Variants in NR6A1 observed in about 807,000 individuals in gnomAD.
NR6A1 encodes retinoic acid receptor-related testis-associated receptor.
Under a neutral mutation model 59.1 loss-of-function variants are expected in NR6A1, and 7 were observed. That is an observed-to-expected ratio of 0.12 (90% CI 0.07 to 0.22). NR6A1 has a LOEUF of 0.22. Among genes scored for constraint, NR6A1 ranks in the 10% least tolerant of loss-of-function variants. The pLI is 1.00. For synonymous variants in NR6A1, 243 were observed against 236.1 expected, an observed-to-expected ratio of 1.03 and a Z score of -0.27; for missense variants, 468 against 611.6, an observed-to-expected ratio of 0.77 and a Z score of 2.48.
At position 124,759,483 on chromosome 9, in the gene NR6A1, A is replaced by G. The variant is rs570602636; in HGVS notation, c.100+11537T>C. On this transcript the variant is annotated intron_variant, in intron 1 of 9. Coordinates refer to ENST00000487099, the MANE Select transcript of NR6A1 (RefSeq NM_033334.4). Reference sequence around the variant, plus strand: ...CAATTTCCTCAAGTAGCTGAAAAGCACATTCCTTTCCCTTATATTTTGTAG... The same window carrying G: ...CAATTTCCTCAAGTAGCTGAAAAGCGCATTCCTTTCCCTTATATTTTGTAG... Among the ~76,000 whole-genome samples, 105 of 152,354 alleles carry G rather than the reference A, an allele frequency of 6.9e-4. 2 individuals are homozygous for G. The South Asian group carries it at 0.021, about 31-fold the overall frequency.
chr9:124,759,285 A>C (rs533672072), intron 1 of NR6A1, among the ~76,000 whole-genome samples: 1 of 152,354 alleles, frequency 6.6e-6, no homozygotes, highest in South Asian at 2.1e-4. Flanking sequence ...TCCCGAATAC[A>C]GTCAAGCAAA....
chr9:124,685,471 G>A (rs1185949760), intron 2 of NR6A1, among the ~76,000 whole-genome samples: 1 of 152,156 alleles, frequency 6.6e-6, no homozygotes, highest in East Asian at 1.9e-4. Flanking sequence ...TAGAACTACT[G>A]GCAGACATCA....
chr9:124,585,619 G>A (rs1244698383), intron 2 of NR6A1, among the ~76,000 whole-genome samples: 1 of 148,796 alleles, frequency 6.7e-6, no homozygotes, highest in East Asian at 2.0e-4. Flanking sequence ...AAGTTATCCA[G>A]AAGATCAACG....
chr9:124,725,956 T>C (rs1839704350), intron 2 of NR6A1, among the ~76,000 whole-genome samples: 1 of 152,152 alleles, frequency 6.6e-6, no homozygotes, highest in Non-Finnish European at 1.5e-5. Flanking sequence ...TTAATGTAAA[T>C]GAGAATCTTG....
Position 124,536,234 on chromosome 9 carries a change from T to TG in NR6A1, c.825-103dup, listed in dbSNP as rs2131345841. The TG allele has an allele frequency of 5.3e-6, 7 of 1,316,520 alleles. No individual in the cohort carries two copies. In the South Asian group the frequency reaches 6.8e-5, roughly 13 times the overall value. The allele number at this position is 1,316,520 out of a possible 1,614,324, so 81.6% of individuals were successfully genotyped here. A position where few individuals can be genotyped will look rare whatever the true frequency, so the allele number is the denominator to read the frequency against. The stretch of plus-strand genomic sequence containing the variant: ...CAAGGGCACAAAGGGACCCTGGCAA[T>TG]GGGCTCCTTGCTCCATGCCCACGGG... On this transcript the variant is annotated intron_variant, in intron 6 of 9. Transcript: ENST00000487099.
At chr9:124,660,525 A>G (rs1837397889) in intron 2 of NR6A1, among the ~76,000 whole-genome samples, 1 of 152,178 alleles carries the variant, frequency 6.6e-6, no homozygotes, top group South Asian at 2.1e-4. Context: ...CCCACTGGAC[A>G]ATAGCGATTT....
Position 124,676,446 on chromosome 9 carries a change from A to C in NR6A1, c.142+56862T>G, listed in dbSNP as rs183641867. ...GACTTTCTTGCCTTTTATTTAAAAAAAAAAATGACCTACATATAGCCTCTT... is the reference window on the plus strand; with the variant it reads ...GACTTTCTTGCCTTTTATTTAAAAACAAAAATGACCTACATATAGCCTCTT... On this transcript the variant is annotated intron_variant, in intron 2 of 9. Transcript: ENST00000487099. Among the ~76,000 whole-genome samples, 1,012 of 152,312 alleles carry C rather than the reference A, an allele frequency of 6.6e-3. 10 individuals are homozygous for C. The highest frequency in any genetic ancestry group is 0.023 in the African/African-American group (955 of 41,568).
intron 2 of NR6A1, among the ~76,000 whole-genome samples, chr9:124,634,844 C>G (rs1423325853): frequency 6.6e-6 from 1 of 151,982 alleles, no homozygotes; most frequent in African/African-American, 2.4e-5. Flanking sequence ...GAGAGAGAGA[C>G]TTTATTTCTC....
intron 2 of NR6A1, among the ~76,000 whole-genome samples, chr9:124,625,037 T>C (rs1352741543): frequency 6.6e-6 from 1 of 151,898 alleles, no homozygotes. Context: ...AAGAGCAGTA[T>C]GATAGTAGTT....
At chr9:124,634,018 TTAATA>T (rs901373462) in intron 2 of NR6A1, among the ~76,000 whole-genome samples, 9 of 152,244 alleles carry the variant, frequency 5.9e-5, no homozygotes, top group African/African-American at 2.2e-4. Flanking sequence ...GCCTCTTGAC[TTAATA>T]TATGTTTTTG....
Position 124,536,017 on chromosome 9 carries a change from T to G in NR6A1, c.940A>C (p.Lys314Gln). ...GAGCTCAAGAGGCACGTGTAATCCT[T>G]GATTGAGAGCTCGCAGAAGAAAGGC... ...KLPFFCELSI[K>Q]DYTCLLSSTW... is the part of the protein sequence containing the mutation. Residue 314 changes from lysine (K) to glutamine (Q), a missense_variant, in exon 7 of 10, where the codon AAG becomes CAG. Lys to Gln is a moderately conservative substitution (Grantham distance 53, BLOSUM62 1). This residue lies in a region of NR6A1 where 176 missense variants were observed against 264.0 expected (regional missense o/e 0.67). Coordinates refer to ENST00000487099, the MANE Select transcript of NR6A1 (RefSeq NM_033334.4). 2 of 1,614,102 alleles carry G rather than the reference T, an allele frequency of 1.2e-6. No individual in the cohort carries two copies. The highest frequency in any genetic ancestry group is 4.5e-5 in the East Asian group (2 of 44,884).
intron 2 of NR6A1, among the ~76,000 whole-genome samples, chr9:124,700,183 A>G (rs953836827): frequency 1.3e-5 from 2 of 150,644 alleles, no homozygotes; most frequent in African/African-American, 4.9e-5. Flanking sequence ...ATCATATAAC[A>G]TGTACTCGCT....
At chr9:124,751,251 C>T (rs990530601) in intron 1 of NR6A1, among the ~76,000 whole-genome samples, 2 of 152,198 alleles carry the variant, frequency 1.3e-5, no homozygotes, top group African/African-American at 4.8e-5. Flanking sequence ...TACTGCACAT[C>T]AATATAATTG....
intron 2 of NR6A1, among the ~76,000 whole-genome samples, chr9:124,597,630 C>T (rs1187022702): frequency 1.3e-5 from 2 of 152,192 alleles, no homozygotes; most frequent in African/African-American, 2.4e-5. Context: ...GTCCAACTAA[C>T]AATCCTTGAT....
intron 2 of NR6A1, among the ~76,000 whole-genome samples, chr9:124,615,229 A>C (rs1835854838): frequency 6.6e-6 from 1 of 152,232 alleles, no homozygotes; most frequent in African/African-American, 2.4e-5. Flanking sequence ...TAGAAAGATA[A>C]ATTAAGCAAA....
intron 2 of NR6A1, among the ~76,000 whole-genome samples, chr9:124,703,207 A>ATTT (rs80014383): frequency 2.0e-4 from 21 of 104,554 alleles, no homozygotes; most frequent in East Asian, 8.3e-4. Context: ...ACACGGCCAC[A>ATTT]TTTTTTTTTT....
intron 2 of NR6A1, among the ~76,000 whole-genome samples, chr9:124,589,339 G>C (rs1282746631): frequency 6.6e-6 from 1 of 152,168 alleles, no homozygotes; most frequent in Admixed American, 6.5e-5. Context: ...CCAGCTACTC[G>C]GGAGGCTGAG....
At chr9:124,624,929 T>TC (rs11457396) in intron 2 of NR6A1, among the ~76,000 whole-genome samples, 44 of 151,520 alleles carry the variant, frequency 2.9e-4, no homozygotes, top group East Asian at 7.8e-4. Context: ...TTTTTTTTTT[T>TC]CTACCAACCT....
At chr9:124,598,797 CT>C in intron 2 of NR6A1, 3 of 898,338 alleles carry the variant, frequency 3.3e-6, no homozygotes, top group African/African-American at 1.7e-5. Context: ...GGCATGATCG[CT>C]TTTTTGCCGG....
Sources: gnomAD v4.1 joint callset for allele counts (sites outside exome capture counted in the v4.1 genomes callset) on GRCh38, gnomAD v4.1.1 for gene constraint, gnomAD v4.1.1 regional missense constraint, MANE v1.5 for transcripts, NCBI Gene and HGNC (gene_info 2026-07-23, HGNC 2026-07-21) for gene names.